The following KDELR2 variants were observed in gnomAD, a reference collection of about 807,000 sequenced individuals.
KDELR2 encodes ER lumen protein-retaining receptor 2.
Under a neutral mutation model 23.9 loss-of-function variants are expected in KDELR2, and 15 were observed. The ratio of observed to expected loss-of-function variants is 0.63; its 90% CI spans 0.42 to 0.97. KDELR2 has a LOEUF of 0.97. Among genes scored for constraint, KDELR2 ranks in the 50% least tolerant of loss-of-function variants. KDELR2 has a pLI of 0.00. For missense variants in KDELR2, 272 were observed against 254.6 expected, an observed-to-expected ratio of 1.07 and a Z score of -0.46; for synonymous variants, 119 against 106.2, an observed-to-expected ratio of 1.12 and a Z score of -0.74.
At chr7:6,465,772 TAC>T (rs1051772892) in intron 4 of KDELR2, among the ~76,000 whole-genome samples, 4 of 152,204 alleles carry the variant, frequency 2.6e-5, no homozygotes, top group Non-Finnish European at 5.9e-5. Context: ...AACAGCAATG[TAC>T]AGTTTAAGTC....
chr7:6,480,329 A>G (rs1374978778), intron 1 of KDELR2, among the ~76,000 whole-genome samples: 1 of 152,254 alleles, frequency 6.6e-6, no homozygotes, highest in Non-Finnish European at 1.5e-5. Flanking sequence ...GAGGTTATGT[A>G]GGTCAGTGTT....
chr7:6,462,023 A>G lies in KDELR2; in HGVS notation c.*1118T>C, dbSNP rs1217706958. The G allele has an allele frequency of 1.3e-5, 2 of 152,208 alleles. No individual in the cohort carries two copies. Among genetic ancestry groups the G allele is most frequent in the Non-Finnish European group, 2.9e-5 (2 of 68,034 alleles). The allele number at this position is 152,208 out of a possible 1,614,324, so 9.4% of individuals were successfully genotyped here. On this transcript the variant is annotated 3_prime_UTR_variant, in exon 5 of 5. Coordinates refer to ENST00000258739, the MANE Select transcript of KDELR2 (RefSeq NM_006854.4). The stretch of plus-strand genomic sequence containing the variant: ...AGCCTAATTCATAAAAAGACAATTT[A>G]TTCCATGTTTAATATAGTGTTTTTT...
At chr7:6,480,534 C>G (rs910504546) in intron 1 of KDELR2, among the ~76,000 whole-genome samples, 3 of 152,170 alleles carry the variant, frequency 2.0e-5, no homozygotes, top group East Asian at 3.8e-4. Context: ...GGCAGCTGTT[C>G]TGGAATCTGC....
chr7:6,469,400 T>C lies in KDELR2; in HGVS notation c.351+196A>G, dbSNP rs1181993833. 3.9e-5 allele frequency among the ~76,000 whole-genome samples: 6 copies of C among 152,212 alleles called. No individual in the cohort carries two copies. In the East Asian group the frequency reaches 1.2e-3, roughly 29 times the overall value. On this transcript the variant is annotated intron_variant, in intron 3 of 4. Transcript: ENST00000258739. The stretch of plus-strand genomic sequence containing the variant: ...CCTTCTGAGTAACTGAGATTACAGG[T>C]GCGTGCCACCACACCCAGCTAATTT...
chr7:6,467,617 C>T (rs1395379610), intron 3 of KDELR2, among the ~76,000 whole-genome samples: 2 of 152,064 alleles, frequency 1.3e-5, no homozygotes, highest in East Asian at 1.9e-4. Context: ...AAAAATTAGC[C>T]AGGCATGATG....
chr7:6,463,835 C>T (rs1003487965), intron 4 of KDELR2, among the ~76,000 whole-genome samples: 2 of 150,168 alleles, frequency 1.3e-5, no homozygotes, highest in African/African-American at 4.9e-5. Flanking sequence ...CAGAGGTGGG[C>T]GGATCTCCTG....
chr7:6,472,300 C>A (rs1785663904), intron 2 of KDELR2, among the ~76,000 whole-genome samples: 1 of 152,186 alleles, frequency 6.6e-6, no homozygotes, highest in Non-Finnish European at 1.5e-5. Context: ...GGCGTTATTT[C>A]CACTAAGGCC....
intron 4 of KDELR2, among the ~76,000 whole-genome samples, chr7:6,465,162 G>A (rs908300793): frequency 2.6e-5 from 4 of 151,622 alleles, no homozygotes; most frequent in African/African-American, 9.7e-5. Context: ...CATGCATTTG[G>A]GTGCATTTGC....
intron 2 of KDELR2, 62 bp from the exon 3 acceptor site, chr7:6,469,816 C>CT (rs1785588753): frequency 2.9e-6 from 4 of 1,391,356 alleles, no homozygotes; most frequent in Non-Finnish European, 2.9e-6. Context: ...CACCCCCCAG[C>CT]TTTTTTAATC....
rs1183552183 is a variant in KDELR2 at position 6,463,037 on chromosome 7, AG to A, written c.*103del. On this transcript the variant is annotated 3_prime_UTR_variant, in exon 5 of 5. Coordinates refer to ENST00000258739, the MANE Select transcript of KDELR2 (RefSeq NM_006854.4). The stretch of plus-strand genomic sequence containing the variant: ...CACTGATGACTATCTGCAACAAAAG[AG>A]TTAAGTTTCTGATTTTCCGTATCAA... 6 of 1,614,180 alleles carry A rather than the reference AG, an allele frequency of 3.7e-6. No homozygotes were observed. The highest frequency in any genetic ancestry group is 5.1e-6 in the Non-Finnish European group (6 of 1,180,036).
chr7:6,465,116 G>A (rs1269502341), intron 4 of KDELR2, among the ~76,000 whole-genome samples: 5 of 151,464 alleles, frequency 3.3e-5, no homozygotes, highest in Non-Finnish European at 4.4e-5. Flanking sequence ...TCTGTGGTTG[G>A]GTTTCAGGGG....
At chr7:6,466,434 G>T in intron 3 of KDELR2, 111 bp from the exon 4 acceptor site, 1 of 1,368,520 alleles carries the variant, frequency 7.3e-7, no homozygotes, top group Non-Finnish European at 9.9e-7. Flanking sequence ...GGGGAGTGGG[G>T]CATGTCGGCC....
intron 2 of KDELR2, among the ~76,000 whole-genome samples, chr7:6,472,886 G>A (rs1357985045): frequency 6.8e-6 from 1 of 147,052 alleles, no homozygotes; most frequent in Non-Finnish European, 1.5e-5. Context: ...CATATCCTGA[G>A]AGCCCCTGTT....
Position 6,471,610 on chromosome 7 carries a change from T to C in KDELR2, c.193-1856A>G, listed in dbSNP as rs149236923. On this transcript the variant is annotated intron_variant, in intron 2 of 4. Transcript: ENST00000258739. ...TCAGTGTATGTTGTTTCACTTCAAG[T>C]TGCAGTGTGTGTTGTTTCACTTCAA... Among the ~76,000 whole-genome samples, 729 of 152,292 alleles carry C rather than the reference T, an allele frequency of 4.8e-3. 2 individuals carry two copies. Among genetic ancestry groups the C allele is most frequent in the Non-Finnish European group, 7.1e-3 (484 of 68,014 alleles).
rs1785968978 is a variant in KDELR2 at position 6,483,845 on chromosome 7, G to C, written c.91+122C>G. On this transcript the variant is annotated intron_variant, in intron 1 of 4. Transcript: ENST00000258739. Reference sequence around the variant, plus strand: ...CCGGGTCCGGGCACCCGTTAGGCCGGCCGAGGGGGTGTGTCGGGCCGGCGC... The same window carrying C: ...CCGGGTCCGGGCACCCGTTAGGCCGCCCGAGGGGGTGTGTCGGGCCGGCGC... 4 of 748,772 alleles carry C rather than the reference G, an allele frequency of 5.3e-6. No homozygotes were observed. In the South Asian group the frequency reaches 2.1e-4, roughly 40 times the overall value. The allele number at this position is 748,772 out of a possible 1,614,324, so 46.4% of individuals were successfully genotyped here.
chr7:6,476,333 A>G (rs546610944), intron 1 of KDELR2, among the ~76,000 whole-genome samples: 1 of 152,284 alleles, frequency 6.6e-6, no homozygotes, highest in Admixed American at 6.5e-5. Context: ...CCCGTAACGG[A>G]TAACTGATTT....
At chr7:6,482,636 A>C (rs1785926208) in intron 1 of KDELR2, 1 of 460,400 alleles carries the variant, frequency 2.2e-6, no homozygotes, top group Non-Finnish European at 4.5e-6. Context: ...TAGACGCCAA[A>C]ATTTTTAGAA....
At chr7:6,478,494 C>T (rs1209235933) in intron 1 of KDELR2, among the ~76,000 whole-genome samples, 1 of 152,156 alleles carries the variant, frequency 6.6e-6, no homozygotes, top group East Asian at 1.9e-4. Flanking sequence ...TTTCATGCTT[C>T]ATTGGTCTTT....
rs913945426 is a variant in KDELR2 at position 6,461,337 on chromosome 7, A to C, written c.*1804T>G. 2 of 152,036 alleles carry C rather than the reference A, an allele frequency of 1.3e-5. No individual in the cohort carries two copies. Among genetic ancestry groups the C allele is most frequent in the African/African-American group, 4.8e-5 (2 of 41,384 alleles). The allele number at this position is 152,036 out of a possible 1,614,324, so 9.4% of individuals were successfully genotyped here. ...CTACACAGAGCTTCCAGACCTTTCCATGCGTTGTGCTCTCCAGAGGATGCG... is the reference window on the plus strand; with the variant it reads ...CTACACAGAGCTTCCAGACCTTTCCCTGCGTTGTGCTCTCCAGAGGATGCG... On this transcript the variant is annotated 3_prime_UTR_variant, in exon 5 of 5. Transcript: ENST00000258739.
Sources: allele counts gnomAD v4.1 joint callset (sites outside exome capture counted in the v4.1 genomes callset), GRCh38; gene constraint gnomAD v4.1.1; transcripts MANE v1.5; gene names NCBI Gene and HGNC (gene_info 2026-07-23, HGNC 2026-07-21).